The following ENTREP2 variants were observed in gnomAD, a reference collection of about 807,000 sequenced individuals.
ENTREP2 encodes endosomal transmembrane epsin interactor 2.
At chr15:29,169,431 C>A in the ENTREP2 span, among the ~76,000 whole-genome samples, 265 of 152,218 alleles carry the variant, frequency 1.7e-3, no homozygotes, top group Admixed American at 3.2e-3. Context: ...AAGAAGTACA[C>A]CACATTACTT....
At chr15:29,587,385 G>T in the ENTREP2 span, among the ~76,000 whole-genome samples, 1 of 151,970 alleles carries the variant, frequency 6.6e-6, no homozygotes. Flanking sequence ...ATGACAAAAG[G>T]GTTCAGGAGC....
chr15:29,536,048 T>C, the ENTREP2 span, among the ~76,000 whole-genome samples: 1 of 152,114 alleles, frequency 6.6e-6, no homozygotes, highest in Non-Finnish European at 1.5e-5. Context: ...AGAGGATCCT[T>C]TTCCCATGTG....
the ENTREP2 span, among the ~76,000 whole-genome samples, chr15:29,170,030 G>A: frequency 3.9e-3 from 600 of 152,134 alleles, 4 homozygotes; most frequent in African/African-American, 0.014. Flanking sequence ...TATGCAGGCC[G>A]GGTGCGGTGG....
the ENTREP2 span, among the ~76,000 whole-genome samples, chr15:29,219,614 A>ATAT: frequency 1.0e-4 from 4 of 38,402 alleles, no homozygotes; most frequent in African/African-American, 2.3e-4. Flanking sequence ...GTGGTGCATA[A>ATAT]ATATATATAT....
chr15:29,590,261 G>A, the ENTREP2 span, among the ~76,000 whole-genome samples: 1 of 152,276 alleles, frequency 6.6e-6, no homozygotes, highest in South Asian at 2.1e-4. Context: ...GGGTCAGGAA[G>A]TAGATATCGG....
chr15:29,593,647 T>C, the ENTREP2 span, among the ~76,000 whole-genome samples: 1 of 152,230 alleles, frequency 6.6e-6, no homozygotes. Flanking sequence ...TATTCTTATA[T>C]TTGTCCTTGC....
chr15:29,493,433 G>A, the ENTREP2 span, among the ~76,000 whole-genome samples: 23 of 151,908 alleles, frequency 1.5e-4, no homozygotes, highest in African/African-American at 5.5e-4. Context: ...GCGCCCGGCC[G>A]ACAACTCTTT....
At chr15:29,292,005 C>G in the ENTREP2 span, among the ~76,000 whole-genome samples, 1 of 152,180 alleles carries the variant, frequency 6.6e-6, no homozygotes, top group Admixed American at 6.5e-5. Context: ...AATGCTGGGA[C>G]ACAATCCAGG....
At chr15:29,484,540 T>C in the ENTREP2 span, among the ~76,000 whole-genome samples, 2 of 152,152 alleles carry the variant, frequency 1.3e-5, no homozygotes, top group Non-Finnish European at 2.9e-5. Flanking sequence ...TCACATGCCA[T>C]AGGTACATGC....
the ENTREP2 span, chr15:29,126,177 G>T: frequency 9.6e-7 from 1 of 1,045,762 alleles, no homozygotes; most frequent in Non-Finnish European, 1.4e-6. Context: ...CTGCAGGGCC[G>T]GGCCTCCACT....
chr15:29,391,887 C>T, the ENTREP2 span, among the ~76,000 whole-genome samples: 3 of 152,188 alleles, frequency 2.0e-5, no homozygotes, highest in East Asian at 1.9e-4. Context: ...TGCAGTGACA[C>T]GAGCTCGGCT....
At chr15:29,269,863 CTGGGCGGT>C in the ENTREP2 span, 9 of 705,890 alleles carry the variant, frequency 1.3e-5, no homozygotes, top group East Asian at 3.4e-5. Flanking sequence ...GTCAGGGCGG[CTGGGCGGT>C]GCGCCTGCGC....
chr15:29,649,967 C>G, the ENTREP2 span, among the ~76,000 whole-genome samples: 1 of 152,056 alleles, frequency 6.6e-6, no homozygotes, highest in Middle Eastern at 3.4e-3. Context: ...AGGTATATGC[C>G]TCATCTGTAC....
At chr15:29,257,880 G>A in the ENTREP2 span, among the ~76,000 whole-genome samples, 4 of 152,124 alleles carry the variant, frequency 2.6e-5, no homozygotes, top group Admixed American at 2.0e-4. Flanking sequence ...TAACTGCAGA[G>A]TCTGACAGCA....
the ENTREP2 span, among the ~76,000 whole-genome samples, chr15:29,557,630 A>C: frequency 5.9e-5 from 9 of 152,178 alleles, no homozygotes; most frequent in Non-Finnish European, 1.2e-4. Context: ...ACCCACACCC[A>C]CTTCATGTTT....
chr15:29,330,695 C>A, the ENTREP2 span, among the ~76,000 whole-genome samples: 2 of 151,872 alleles, frequency 1.3e-5, no homozygotes, highest in Non-Finnish European at 2.9e-5. Context: ...CTGGGAGAGA[C>A]AAAAAACATT....
At chr15:29,145,909 A>C in the ENTREP2 span, among the ~76,000 whole-genome samples, 10 of 152,206 alleles carry the variant, frequency 6.6e-5, no homozygotes, top group Non-Finnish European at 8.8e-5. Context: ...TGCATATAGA[A>C]AGAATCCAGA....
chr15:29,171,623 T>G, the ENTREP2 span, among the ~76,000 whole-genome samples: 60 of 152,294 alleles, frequency 3.9e-4, no homozygotes, highest in Non-Finnish European at 2.9e-5. Context: ...TGTATTTATA[T>G]TAGCAATACC....
At chr15:29,329,270 G>C in the ENTREP2 span, among the ~76,000 whole-genome samples, 11 of 152,082 alleles carry the variant, frequency 7.2e-5, no homozygotes, top group African/African-American at 2.7e-4. Flanking sequence ...GGCTGAGGCA[G>C]GAGAATGGTG....
Sources: allele counts gnomAD v4.1 joint callset (sites outside exome capture counted in the v4.1 genomes callset), GRCh38; gene constraint gnomAD v4.1.1; transcripts MANE v1.5; gene names NCBI Gene and HGNC (gene_info 2026-07-23, HGNC 2026-07-21).